ARHGAP19: variants seen among roughly 807,000 people sequenced by gnomAD.
The protein encoded by ARHGAP19 is Rho GTPase activating protein 19.
In ARHGAP19, 48 loss-of-function variants were observed where a neutral mutation model predicts 60.9. That is an observed-to-expected ratio of 0.79 (90% CI 0.62 to 1.00). The LOEUF (loss-of-function observed/expected upper bound fraction) is 1.00, where lower values mean the gene tolerates loss of function less well. ARHGAP19 is among the 50% of genes least tolerant of loss of function. The pLI is 0.00. For synonymous variants in ARHGAP19, 209 were observed against 215.5 expected, an observed-to-expected ratio of 0.97 and a Z score of 0.27; for missense variants, 562 against 597.2, an observed-to-expected ratio of 0.94 and a Z score of 0.61.
intron 11 of ARHGAP19, among the ~76,000 whole-genome samples, chr10:97,227,853 T>C (rs1218592650): frequency 6.6e-6 from 1 of 152,224 alleles, no homozygotes; most frequent in East Asian, 1.9e-4. Context: ...AGCTTATTGG[T>C]GAAATATTAG....
At chr10:97,227,668 A>G (rs890639028) in intron 11 of ARHGAP19, among the ~76,000 whole-genome samples, 2 of 152,232 alleles carry the variant, frequency 1.3e-5, no homozygotes, top group African/African-American at 4.8e-5. Flanking sequence ...GTCATTCATT[A>G]TCTCGACTTC....
At chr10:97,280,113 A>G (rs1337145551) in intron 1 of ARHGAP19, among the ~76,000 whole-genome samples, 1 of 152,192 alleles carries the variant, frequency 6.6e-6, no homozygotes, top group African/African-American at 2.4e-5. Flanking sequence ...TTGTATTAAG[A>G]AAGTAACATC....
rs1377977348 is a variant in ARHGAP19 at position 97,235,331 on chromosome 10, G to A, written c.1186-16C>T. On this transcript the variant is annotated splice_polypyrimidine_tract_variant and intron_variant, in intron 8 of 11. Coordinates refer to ENST00000358531, the MANE Select transcript of ARHGAP19 (RefSeq NM_032900.6). Reference sequence around the variant, plus strand: ...GCTTATTAAACTAAAAGAAAACATGGAGAACATTTTATAAATACTTTCCCA... The same window carrying A: ...GCTTATTAAACTAAAAGAAAACATGAAGAACATTTTATAAATACTTTCCCA... 6 of 1,576,846 alleles carry A rather than the reference G, an allele frequency of 3.8e-6. No homozygotes were observed. The highest frequency in any genetic ancestry group is 5.2e-6 in the Non-Finnish European group (6 of 1,147,678).
chr10:97,244,406 A>G (rs1842533588), intron 7 of ARHGAP19, among the ~76,000 whole-genome samples: 1 of 152,150 alleles, frequency 6.6e-6, no homozygotes, highest in Non-Finnish European at 1.5e-5. Flanking sequence ...ACCAAGAGTT[A>G]TATTTGTGTA....
At chr10:97,273,551 C>G (rs1444471286) in intron 1 of ARHGAP19, among the ~76,000 whole-genome samples, 1 of 138,860 alleles carries the variant, frequency 7.2e-6, no homozygotes, top group African/African-American at 2.7e-5. Flanking sequence ...TACAGTGGCA[C>G]TATCCTGGCT....
At chr10:97,242,324 C>CTTTT (rs1164708198) in intron 8 of ARHGAP19, among the ~76,000 whole-genome samples, 7 of 55,784 alleles carry the variant, frequency 1.3e-4, no homozygotes, top group South Asian at 1.4e-3. Context: ...TATCAGTGTT[C>CTTTT]TTTTTTTTTT....
At chr10:97,272,129 G>GTTTTTTTTT (rs1842965911) in intron 1 of ARHGAP19, among the ~76,000 whole-genome samples, 1 of 69,160 alleles carries the variant, frequency 1.4e-5, no homozygotes, top group African/African-American at 5.3e-5. Flanking sequence ...TGGGAAATAT[G>GTTTTTTTTT]TCTTTTTTTT....
chr10:97,291,539 TC>T (rs1019894565), intron 1 of ARHGAP19, among the ~76,000 whole-genome samples: 3 of 151,966 alleles, frequency 2.0e-5, no homozygotes, highest in African/African-American at 4.8e-5. Flanking sequence ...GGTGATCCGC[TC>T]CCCTCGGCTT....
At chr10:97,237,736 T>G (rs1478110302) in intron 8 of ARHGAP19, among the ~76,000 whole-genome samples, 2 of 151,844 alleles carry the variant, frequency 1.3e-5, no homozygotes, top group African/African-American at 4.8e-5. Flanking sequence ...CTGGGCGTGG[T>G]GGTGGGCGCC....
chr10:97,234,112 CA>C (rs1183654326), intron 9 of ARHGAP19, among the ~76,000 whole-genome samples: 1 of 151,664 alleles, frequency 6.6e-6, no homozygotes, highest in Non-Finnish European at 1.5e-5. Flanking sequence ...ACTAAAAAGG[CA>C]AAAATTAGCT....
chr10:97,280,630 C>A (rs1025394690), intron 1 of ARHGAP19, among the ~76,000 whole-genome samples: 3 of 151,448 alleles, frequency 2.0e-5, no homozygotes, highest in Non-Finnish European at 4.4e-5. Context: ...GTTGACCAGG[C>A]TGTAATGCAG....
At chr10:97,251,213 AG>A (rs1469743984) in intron 6 of ARHGAP19, among the ~76,000 whole-genome samples, 1 of 38,570 alleles carries the variant, frequency 2.6e-5, no homozygotes, top group African/African-American at 1.2e-4. Context: ...GGGAAGGGGA[AG>A]GGGAATGGAA....
chr10:97,240,421 G>A (rs1842460915), intron 8 of ARHGAP19, among the ~76,000 whole-genome samples: 1 of 152,202 alleles, frequency 6.6e-6, no homozygotes, highest in Non-Finnish European at 1.5e-5. Context: ...GGAGCCCAAG[G>A]CAGGCAGATC....
chr10:97,253,857 T>C (rs965672973), intron 6 of ARHGAP19, among the ~76,000 whole-genome samples: 3 of 152,106 alleles, frequency 2.0e-5, no homozygotes, highest in African/African-American at 7.2e-5. Context: ...TATGAAACTG[T>C]GAAGAAGAAA....
Position 97,244,011 on chromosome 10 carries a change from T to C in ARHGAP19, c.1142A>G (p.His381Arg), listed in dbSNP as rs770816481. ...EALRELFQHVHDMPESAKKKQ... is the reference protein window; with the variant it reads ...EALRELFQHVRDMPESAKKKQ... ...CTTCTTTGCTGACTCTGGCATATCA[T>C]GAACGTGTTGAAACAGCTCTCTCAG... Residue 381 changes from histidine (H) to arginine (R), a missense_variant, in exon 8 of 12, where the codon CAT becomes CGT. His to Arg is a conservative substitution (Grantham distance 29, BLOSUM62 0). Coordinates refer to ENST00000358531, the MANE Select transcript of ARHGAP19 (RefSeq NM_032900.6). 44 of 1,613,204 alleles carry C rather than the reference T, an allele frequency of 2.7e-5. No homozygotes were observed. Among genetic ancestry groups the C allele is most frequent in the Non-Finnish European group, 3.5e-5 (41 of 1,179,842 alleles).
At chr10:97,274,112 A>G (rs779363575) in intron 1 of ARHGAP19, among the ~76,000 whole-genome samples, 4 of 152,216 alleles carry the variant, frequency 2.6e-5, no homozygotes, top group African/African-American at 7.2e-5. Context: ...TGTATTTACC[A>G]TAATATTCAG....
intron 6 of ARHGAP19, among the ~76,000 whole-genome samples, chr10:97,250,745 G>T (rs1842632242): frequency 7.1e-5 from 1 of 14,082 alleles, no homozygotes. Context: ...CTCCAAACAA[G>T]AATATATCTA....
chr10:97,265,024 T>C (rs1050888663), intron 2 of ARHGAP19, 118 bp from the exon 3 acceptor site: 37 of 755,724 alleles, frequency 4.9e-5, no homozygotes, highest in Admixed American at 2.3e-4. Flanking sequence ...ACATGGTCAG[T>C]AAACAAAAAC....
intron 1 of ARHGAP19, among the ~76,000 whole-genome samples, chr10:97,273,402 A>G (rs372696371): frequency 1.3e-5 from 2 of 150,672 alleles, no homozygotes; most frequent in African/African-American, 2.4e-5. Context: ...ACCTCAGGTG[A>G]TCCACCCACC....
Sources: allele counts gnomAD v4.1 joint callset (sites outside exome capture counted in the v4.1 genomes callset), GRCh38; gene constraint gnomAD v4.1.1; transcripts MANE v1.5; gene names NCBI Gene and HGNC (gene_info 2026-07-23, HGNC 2026-07-21).